SPAG16: variants seen among roughly 807,000 people sequenced by gnomAD.
SPAG16 encodes the protein sperm-associated antigen 16 protein.
SPAG16 carries 86 observed loss-of-function variants against 80.4 expected under a neutral mutation model. The observed-to-expected ratio is 1.07, with a 90% confidence interval of 0.90 to 1.28. SPAG16 has a LOEUF of 1.28. Among genes scored for constraint, SPAG16 ranks in the 50% most tolerant of loss-of-function variants. The pLI is 0.00. For synonymous variants in SPAG16, 294 were observed against 265.9 expected (o/e 1.11, Z -1.03); for missense variants, 870 against 765.3 (o/e 1.14, Z -1.61).
intron 4 of SPAG16, 44 bp from the exon 5 acceptor site, chr2:213,317,175 G>A (rs892243705): frequency 2.3e-6 from 3 of 1,297,842 alleles, no homozygotes; most frequent in South Asian, 3.2e-5. Flanking sequence ...AGCCAATTTG[G>A]CAGAAAGAAA....
chr2:214,222,082 G>A (rs1238658365), intron 15 of SPAG16, among the ~76,000 whole-genome samples: 6 of 145,098 alleles, frequency 4.1e-5, no homozygotes, highest in Middle Eastern at 3.8e-3. Context: ...ACATTAAAAT[G>A]TGTTGAGAAA....
intron 10 of SPAG16, among the ~76,000 whole-genome samples, chr2:213,685,272 G>T (rs962340964): frequency 6.6e-6 from 1 of 152,246 alleles, no homozygotes; most frequent in Non-Finnish European, 1.5e-5. Context: ...GGTCACTGGG[G>T]TAGACCCCAA....
At chr2:213,958,281 T>A (rs1281651913) in intron 12 of SPAG16, among the ~76,000 whole-genome samples, 1 of 152,126 alleles carries the variant, frequency 6.6e-6, no homozygotes, top group African/African-American at 2.4e-5. Flanking sequence ...GTCTTGGCAG[T>A]CCATGTGGTA....
intron 6 of SPAG16, among the ~76,000 whole-genome samples, chr2:213,345,813 G>C (rs138981596): frequency 2.0e-5 from 3 of 152,108 alleles, no homozygotes; most frequent in South Asian, 2.1e-4. Context: ...GTCAGGTAGC[G>C]TGATGCTTCC....
chr2:213,475,198 A>G (rs538511758), intron 9 of SPAG16, among the ~76,000 whole-genome samples: 4 of 152,272 alleles, frequency 2.6e-5, no homozygotes, highest in East Asian at 3.9e-4. Context: ...GAAAGCCTCT[A>G]TATAACTGTC....
chr2:213,638,046 C>G (rs1325533876), intron 10 of SPAG16, among the ~76,000 whole-genome samples: 1 of 152,184 alleles, frequency 6.6e-6, no homozygotes, highest in Non-Finnish European at 1.5e-5. Context: ...CGTGAGCCAT[C>G]GTGCCCGGCT....
chr2:214,225,590 A>G (rs2058681712), intron 15 of SPAG16, among the ~76,000 whole-genome samples: 1 of 152,200 alleles, frequency 6.6e-6, no homozygotes, highest in Admixed American at 6.6e-5. Context: ...CCAAAAACAC[A>G]ATAATCACAA....
Position 214,410,204 on chromosome 2 carries a change from G to A in SPAG16, c.1785G>A (p.Glu595=). The change falls in exon 16 of 16, where the codon GAG becomes GAA. Residue 595 remains glutamate (E), a synonymous_variant. Coordinates refer to ENST00000331683, the MANE Select transcript of SPAG16 (RefSeq NM_024532.5). ...ATTTGCTAGATCTTAAATCTGGGGA[G>A]ATTCACAAATTGATGGGCCACGAAA... ...VIHLLDLKSG[E]IHKLMGHENE... is the part of the protein sequence containing the mutation. 1 of 1,613,672 alleles carries A rather than the reference G, an allele frequency of 6.2e-7. No homozygotes were observed. The highest frequency in any genetic ancestry group is 8.5e-7 in the Non-Finnish European group (1 of 1,179,622).
intron 15 of SPAG16, among the ~76,000 whole-genome samples, chr2:214,380,709 G>A (rs1700400195): frequency 6.6e-6 from 1 of 152,164 alleles, no homozygotes; most frequent in Non-Finnish European, 1.5e-5. Context: ...TTTTTTCACG[G>A]CAGTTGTGAA....
At chr2:213,446,417 A>G (rs2071313306) in intron 9 of SPAG16, among the ~76,000 whole-genome samples, 1 of 152,246 alleles carries the variant, frequency 6.6e-6, no homozygotes, top group Middle Eastern at 3.2e-3. Flanking sequence ...CAGGAAATGA[A>G]AAAGTCACTA....
At chr2:214,158,969 A>C (rs946514264) in intron 15 of SPAG16, among the ~76,000 whole-genome samples, 1 of 152,090 alleles carries the variant, frequency 6.6e-6, no homozygotes, top group Middle Eastern at 3.4e-3. Flanking sequence ...GCTAATGCCA[A>C]ATTATTTTTC....
chr2:213,678,690 C>T (rs2064225431), intron 10 of SPAG16, among the ~76,000 whole-genome samples: 1 of 152,156 alleles, frequency 6.6e-6, no homozygotes, highest in South Asian at 2.1e-4. Flanking sequence ...GCAGAAAGCT[C>T]ACTTCCTGGC....
intron 10 of SPAG16, among the ~76,000 whole-genome samples, chr2:213,768,368 G>A (rs761677894): frequency 5.9e-5 from 9 of 152,168 alleles, no homozygotes; most frequent in Admixed American, 1.3e-4. Context: ...TGCCAAGAGT[G>A]GATTGCAGAT....
intron 10 of SPAG16, among the ~76,000 whole-genome samples, chr2:213,826,667 C>T (rs2073323450): frequency 6.6e-6 from 1 of 151,964 alleles, no homozygotes; most frequent in African/African-American, 2.4e-5. Flanking sequence ...AATATATGGT[C>T]TATCCTTGAG....
At chr2:214,186,393 C>G (rs1217458599) in intron 15 of SPAG16, among the ~76,000 whole-genome samples, 1 of 152,046 alleles carries the variant, frequency 6.6e-6, no homozygotes, top group Non-Finnish European at 1.5e-5. Flanking sequence ...ACTCCATGGG[C>G]AGGGGCAGGA....
In SPAG16 at chr2:213,296,097, A is replaced by G. The variant is rs757695977; in HGVS notation, c.170A>G (p.Tyr57Cys). ...ATAACTGAAGCATCTGAAGATGACTATGAATATGAAGAGGTAACATGTTAA... is the reference window on the plus strand; with the variant it reads ...ATAACTGAAGCATCTGAAGATGACTGTGAATATGAAGAGGTAACATGTTAA... ...VTITEASEDD[Y>C]EYEEIPDDNF... Residue 57 changes from tyrosine (Y) to cysteine (C), a missense_variant, in exon 2 of 16, where the codon TAT becomes TGT. By Grantham distance (194) the Tyr-to-Cys change is radical (BLOSUM62 -2). Coordinates refer to ENST00000331683, the MANE Select transcript of SPAG16 (RefSeq NM_024532.5). 1.5e-5 allele frequency: 24 copies of G among 1,607,204 alleles called. No individual in the cohort carries two copies. Among genetic ancestry groups the G allele is most frequent in the African/African-American group, 1.1e-4 (8 of 74,790 alleles).
At chr2:213,682,061 A>G (rs1305117912) in intron 10 of SPAG16, among the ~76,000 whole-genome samples, 3 of 152,090 alleles carry the variant, frequency 2.0e-5, no homozygotes, top group Non-Finnish European at 4.4e-5. Flanking sequence ...ACCCAGCCCA[A>G]CCAATCCTAA....
chr2:214,067,026 G>A (rs927553941), intron 13 of SPAG16, among the ~76,000 whole-genome samples: 1 of 152,148 alleles, frequency 6.6e-6, no homozygotes, highest in African/African-American at 2.4e-5. Context: ...CAGGAGCGCT[G>A]GGCACAATGG....
intron 11 of SPAG16, among the ~76,000 whole-genome samples, chr2:213,883,082 CT>C (rs2106036602): frequency 6.6e-6 from 1 of 152,108 alleles, no homozygotes; most frequent in East Asian, 1.9e-4. Context: ...TAGCCAGTTC[CT>C]TTAGGTGCAA....
Sources: allele counts gnomAD v4.1 joint callset (sites outside exome capture counted in the v4.1 genomes callset), GRCh38; gene constraint gnomAD v4.1.1; transcripts MANE v1.5; gene names NCBI Gene and HGNC (gene_info 2026-07-23, HGNC 2026-07-21).